Variants in NBEA observed in about 807,000 individuals in gnomAD.
NBEA encodes the protein lysosomal-trafficking regulator 2.
Under a neutral mutation model 343.4 loss-of-function variants are expected in NBEA, and 44 were observed. That is an observed-to-expected ratio of 0.13 (90% confidence interval 0.10 to 0.16). NBEA has a LOEUF of 0.16. Among genes scored for constraint, NBEA ranks in the 10% least tolerant of loss-of-function variants. NBEA has a pLI of 1.00. For synonymous variants in NBEA, 1,175 were observed against 1,238.7 expected (o/e 0.95, Z 1.08); for missense variants, 2,555 against 3,631.3 (o/e 0.70, Z 7.62).
chr13:35,336,252 T>A (rs932514030), intron 36 of NBEA, among the ~76,000 whole-genome samples: 1 of 152,044 alleles, frequency 6.6e-6, no homozygotes, highest in Non-Finnish European at 1.5e-5. Context: ...ATTATAATAC[T>A]CAAAACATCA....
intron 31 of NBEA, among the ~76,000 whole-genome samples, chr13:35,206,915 G>T (rs1443389210): frequency 6.6e-6 from 1 of 151,990 alleles, no homozygotes; most frequent in African/African-American, 2.4e-5. Flanking sequence ...ATTAGATGAG[G>T]ACTTGCCAAT....
chr13:35,309,495 T>A lies in NBEA; in HGVS notation c.5839-33T>A, dbSNP rs748827932. On this transcript the variant is annotated intron_variant, in intron 35 of 58. Transcript: ENST00000379939. ...GAAGTTACTTTCATTAAGTGTTCACTTTTCTCACGTTTGTTTTGGTTTCTC... is the reference window on the plus strand; with the variant it reads ...GAAGTTACTTTCATTAAGTGTTCACATTTCTCACGTTTGTTTTGGTTTCTC... The A allele has an allele frequency of 2.2e-6, 3 of 1,391,822 alleles. No homozygotes were observed. The South Asian group carries it at 3.8e-5, about 18-fold the overall frequency. The allele number at this position is 1,391,822 out of a possible 1,614,324, so 86.2% of individuals were successfully genotyped here. A position where few individuals can be genotyped will look rare whatever the true frequency, so the allele number is the denominator to read the frequency against.
chr13:35,150,302 T>C (rs931723706), intron 18 of NBEA, among the ~76,000 whole-genome samples: 1 of 152,232 alleles, frequency 6.6e-6, no homozygotes, highest in African/African-American at 2.4e-5. Context: ...TGATTGGTTA[T>C]CATTGTTAAT....
intron 40 of NBEA, among the ~76,000 whole-genome samples, chr13:35,468,680 A>C (rs977216172): frequency 6.6e-6 from 1 of 152,014 alleles, no homozygotes; most frequent in Non-Finnish European, 1.5e-5. Flanking sequence ...CTCTCACTGC[A>C]ATGAGTAATA....
chr13:35,564,578 C>A (rs1327171170), intron 44 of NBEA, among the ~76,000 whole-genome samples: 2 of 152,110 alleles, frequency 1.3e-5, no homozygotes, highest in Non-Finnish European at 2.9e-5. Context: ...AATTGTACAG[C>A]TTTTATTTTA....
At chr13:35,494,707 G>A (rs2076613430) in intron 41 of NBEA, among the ~76,000 whole-genome samples, 1 of 151,918 alleles carries the variant, frequency 6.6e-6, no homozygotes, top group Admixed American at 6.6e-5. Flanking sequence ...AATGTAAATG[G>A]ATTAAACAGT....
chr13:35,279,673 G>A lies in NBEA; in HGVS notation c.5777-10716G>A, dbSNP rs144925847. ...GTGCTGTCCAGATATGTTGTTCCTTGCTCTCTAGTTTCAGACTAGGAGGTC... is the reference window on the plus strand; with the variant it reads ...GTGCTGTCCAGATATGTTGTTCCTTACTCTCTAGTTTCAGACTAGGAGGTC... On this transcript the variant is annotated intron_variant, in intron 34 of 58. Coordinates refer to ENST00000379939, the MANE Select transcript of NBEA (RefSeq NM_001385012.1). 4.4e-3 allele frequency among the ~76,000 whole-genome samples: 663 copies of A among 152,228 alleles called. 5 individuals are homozygous for A. Among genetic ancestry groups the A allele is most frequent in the African/African-American group, 0.015 (639 of 41,550 alleles).
intron 34 of NBEA, among the ~76,000 whole-genome samples, chr13:35,256,152 G>T (rs1028245445): frequency 2.0e-5 from 3 of 152,160 alleles, no homozygotes; most frequent in Non-Finnish European, 4.4e-5. Flanking sequence ...GCAGAGAGGA[G>T]ACCTGCAATG....
At chr13:35,423,709 G>A (rs2044453810) in intron 38 of NBEA, among the ~76,000 whole-genome samples, 1 of 152,094 alleles carries the variant, frequency 6.6e-6, no homozygotes, top group Non-Finnish European at 1.5e-5. Context: ...AGCTTGATGG[G>A]GATGGCATTG....
intron 10 of NBEA, among the ~76,000 whole-genome samples, chr13:35,096,475 A>G (rs1445142513): frequency 6.6e-6 from 1 of 151,924 alleles, no homozygotes; most frequent in Non-Finnish European, 1.5e-5. Context: ...GACATAAAAG[A>G]ATGAGAAAAT....
chr13:35,161,705 G>A, intron 22 of NBEA, 45 bp from the exon 23 acceptor site: 3 of 1,443,738 alleles, frequency 2.1e-6, no homozygotes, highest in Non-Finnish European at 1.9e-6. Context: ...TTAAAATGAG[G>A]CATTTCTTTT....
intron 41 of NBEA, among the ~76,000 whole-genome samples, chr13:35,486,948 A>T (rs1049970605): frequency 3.9e-5 from 6 of 152,014 alleles, no homozygotes; most frequent in African/African-American, 1.4e-4. Flanking sequence ...ATATACCTTT[A>T]TAAATGTGAT....
At chr13:35,450,342 C>T (rs932706448) in intron 39 of NBEA, among the ~76,000 whole-genome samples, 1 of 151,854 alleles carries the variant, frequency 6.6e-6, no homozygotes, top group Non-Finnish European at 1.5e-5. Context: ...AAAAAAATAG[C>T]CAGGCATTGT....
At chr13:35,330,631 A>C (rs2038868948) in intron 36 of NBEA, among the ~76,000 whole-genome samples, 1 of 151,986 alleles carries the variant, frequency 6.6e-6, no homozygotes, top group South Asian at 2.1e-4. Flanking sequence ...CTTCTCACCC[A>C]ATCAAAATGA....
At chr13:35,092,039 A>G (rs1414614750) in intron 10 of NBEA, among the ~76,000 whole-genome samples, 1 of 152,054 alleles carries the variant, frequency 6.6e-6, no homozygotes, top group Non-Finnish European at 1.5e-5. Flanking sequence ...TTTAAGCTGT[A>G]ATAATGAAGA....
intron 41 of NBEA, chr13:35,476,917 A>G (rs888757679): frequency 1.6e-5 from 10 of 638,606 alleles, no homozygotes; most frequent in Non-Finnish European, 1.8e-5. Context: ...CAGCTTTGGT[A>G]TTACTTGAAG....
Position 35,432,340 on chromosome 13 carries a change from A to G in NBEA, c.6251A>G (p.Asn2084Ser), listed in dbSNP as rs745960159. 2.5e-6 allele frequency: 4 copies of G among 1,610,192 alleles called. No individual in the cohort carries two copies. The highest frequency in any genetic ancestry group is 3.4e-6 in the Non-Finnish European group (4 of 1,178,074). Residue 2084 changes from asparagine to serine, a missense_variant, in exon 39 of 59, where the codon AAT becomes AGT. This residue lies in a region of NBEA where 246 missense variants were observed against 313.7 expected (regional missense o/e 0.78). Coordinates refer to ENST00000379939, the MANE Select transcript of NBEA (RefSeq NM_001385012.1). Reference sequence around the variant, plus strand: ...CGTCGAAGGAGACGATTTGTTCGCAATGCATTTGGCTCCACTCATGCTGAA... The same window carrying G: ...CGTCGAAGGAGACGATTTGTTCGCAGTGCATTTGGCTCCACTCATGCTGAA... ...DLRRRRRFVR[N>S]AFGSTHAEAL...
intron 41 of NBEA, among the ~76,000 whole-genome samples, chr13:35,549,340 G>A (rs546298743): frequency 5.1e-4 from 77 of 152,238 alleles, no homozygotes; most frequent in Middle Eastern, 3.4e-3. Context: ...CATGTAAAAT[G>A]AATATAATGT....
intron 12 of NBEA, among the ~76,000 whole-genome samples, chr13:35,110,263 C>T (rs1371984607): frequency 6.9e-6 from 1 of 143,958 alleles, no homozygotes; most frequent in Non-Finnish European, 1.5e-5. Flanking sequence ...TGCTCATCAT[C>T]TTTGACAACT....
Sources: gnomAD v4.1 joint callset for allele counts (sites outside exome capture counted in the v4.1 genomes callset) on GRCh38, gnomAD v4.1.1 for gene constraint, gnomAD v4.1.1 regional missense constraint, MANE v1.5 for transcripts, NCBI Gene and HGNC (gene_info 2026-07-23, HGNC 2026-07-21) for gene names.